CLCN2: variants seen among roughly 807,000 people sequenced by gnomAD.
The protein encoded by CLCN2 is chloride voltage-gated channel 2.
A neutral mutation model predicts 108.3 loss-of-function variants in CLCN2; 72 were observed. The observed-to-expected ratio is 0.66, with a 90% CI of 0.55 to 0.81. The LOEUF (loss-of-function observed/expected upper bound fraction) is 0.81. Ranked by LOEUF, CLCN2 falls within the 30% of genes least tolerant of loss-of-function variation. The pLI is 0.00. For synonymous variants in CLCN2, 471 were observed against 467.1 expected, an observed-to-expected ratio of 1.01 and a Z score of -0.11; for missense variants, 1,048 against 1,205.2, an observed-to-expected ratio of 0.87 and a Z score of 1.93.
intron 21 of CLCN2, 78 bp from the exon 22 acceptor site, chr3:184,352,195 T>G: frequency 6.2e-7 from 1 of 1,600,604 alleles, no homozygotes; most frequent in Admixed American, 1.7e-5. Context: ...GGCCTGCCCT[T>G]TTTCCAACCC....
Position 184,352,813 on chromosome 3 carries a change from G to A in CLCN2, c.2144-3C>T, listed in dbSNP as rs1231593733. On this transcript the variant is annotated splice_region_variant and splice_polypyrimidine_tract_variant and intron_variant, in intron 18 of 23. Coordinates refer to ENST00000265593, the MANE Select transcript of CLCN2 (RefSeq NM_004366.6). The stretch of plus-strand genomic sequence containing the variant: ...GATGCCTGCCGACTCTGCGCTCCCT[G>A]TGTTCCCAAACATAAGGCCCCAGGG... The A allele has an allele frequency of 3.1e-6, 5 of 1,613,152 alleles. No homozygotes were observed. In the East Asian group the frequency reaches 8.9e-5, roughly 29 times the overall value.
chr3:184,361,473 C>T lies in CLCN2; in HGVS notation c.7G>A (p.Ala3Thr), dbSNP rs776092377. Residue 3 changes from alanine (A) to threonine (T), a missense_variant, in exon 1 of 24, where the codon GCC (alanine) becomes ACC (threonine). Transcript: ENST00000265593. The surrounding 1 kb of genome is among the most constrained non-coding windows in gnomAD (Gnocchi z 6.6). The stretch of plus-strand genomic sequence containing the variant: ...TCCATCCCTTCCTCCGCCGCCGCGG[C>T]CGCCATCTCCGCGCACTGCCCTCTC... MA[A>T]AAAEEGMEPR... 8 of 1,611,858 alleles carry T rather than the reference C, an allele frequency of 5.0e-6. No individual in the cohort carries two copies. The African/African-American group carries it at 8.0e-5, about 16-fold the overall frequency.
At position 184,353,103 on chromosome 3, in the gene CLCN2, G is replaced by A; in HGVS notation, c.2073C>T (p.Thr691=). The A allele has an allele frequency of 6.2e-7, 1 of 1,614,146 alleles. No homozygotes were observed. Among genetic ancestry groups the A allele is most frequent in the South Asian group, 1.1e-5 (1 of 91,080 alleles). ...DSAFPAARGE[T]HKPLKPALKR... is the part of the protein sequence containing the mutation. ...TGAGTGCAGGCTTTAGGGGCTTGTG[G>A]GTCTCCCCCCGGGCTGCTGGGAAGG... The change falls in exon 18 of 24, where the codon ACC becomes ACT. Residue 691 remains threonine (T), a synonymous_variant. Transcript: ENST00000265593.
chr3:184,354,629 T>C lies in CLCN2; in HGVS notation c.1426A>G (p.Ser476Gly), dbSNP rs1728396440. Residue 476 changes from serine (S) to glycine (G), a missense_variant, in exon 14 of 24, where the codon AGC becomes GGC. Ser to Gly is a moderately conservative substitution (Grantham distance 56, BLOSUM62 0). Transcript: ENST00000265593. ...GAAFGRLVGE[S>G]MAAWFPDGIH... The stretch of plus-strand genomic sequence containing the variant: ...CCATCTGGGAACCAGGCAGCCATGC[T>C]TTCACCCACCAGACGCCCAAATGCT... 2 of 1,559,430 alleles carry C rather than the reference T, an allele frequency of 1.3e-6. No homozygotes were observed. The highest frequency in any genetic ancestry group is 1.7e-6 in the Non-Finnish European group (2 of 1,152,326).
chr3:184,351,644 C>T (rs1047494990), intron 22 of CLCN2, among the ~76,000 whole-genome samples: 3 of 152,052 alleles, frequency 2.0e-5, no homozygotes, highest in Admixed American at 6.5e-5. Flanking sequence ...GTTTCTCACC[C>T]GTTTTTTTCC....
rs752221599 is a variant in CLCN2 at position 184,353,228 on chromosome 3, C to T, written c.2028+22G>A. The T allele has an allele frequency of 1.7e-5, 28 of 1,613,546 alleles. No individual in the cohort carries two copies. The Admixed American group carries it at 3.2e-4, about 18-fold the overall frequency. ...AGTCTACACAATGACATTTAGGAAG[C>T]GTTTGTGGCTTTTCCCCTCACCTGG... On this transcript the variant is annotated intron_variant, in intron 17 of 23. Transcript: ENST00000265593.
Position 184,355,843 on chromosome 3 carries a change from G to A in CLCN2, c.1086-65C>T. 7.7e-7 allele frequency: 1 copy of A among 1,298,426 alleles called. No individual in the cohort carries two copies. The highest frequency in any genetic ancestry group is 1.1e-6 in the Non-Finnish European group (1 of 900,716). The allele number at this position is 1,298,426 out of a possible 1,614,324, so 80.4% of individuals were successfully genotyped here. ...GGCTGGGTGGCCTCGCATATCTCAGGGCTGAGGTCAGAGCAGAGCCTTGGC... is the reference window on the plus strand; with the variant it reads ...GGCTGGGTGGCCTCGCATATCTCAGAGCTGAGGTCAGAGCAGAGCCTTGGC... On this transcript the variant is annotated intron_variant, in intron 10 of 23. Transcript: ENST00000265593. This position sits in a 1 kb window ranked among gnomAD's most constrained non-coding sequence, Gnocchi z 6.3.
intron 22 of CLCN2, chr3:184,348,551 G>A (rs1487503366): frequency 6.6e-6 from 1 of 151,126 alleles, no homozygotes; most frequent in Non-Finnish European, 1.5e-5. Flanking sequence ...CAGTTGTCAT[G>A]TGGTTAGCGA....
chr3:184,360,739 G>A (rs1195177960), intron 1 of CLCN2, among the ~76,000 whole-genome samples: 4 of 152,172 alleles, frequency 2.6e-5, no homozygotes, highest in African/African-American at 9.7e-5. Flanking sequence ...CAGAGCCCAG[G>A]ACCCCTGCTT....
chr3:184,353,932 C>T, intron 15 of CLCN2, 137 bp from the exon 16 acceptor site: 1 of 1,447,266 alleles, frequency 6.9e-7, no homozygotes, highest in Non-Finnish European at 9.4e-7. Context: ...GTGCTCCCAC[C>T]CTTCTTTCTG....
chr3:184,350,406 C>A (rs1728005839), intron 22 of CLCN2, among the ~76,000 whole-genome samples: 1 of 152,066 alleles, frequency 6.6e-6, no homozygotes, highest in South Asian at 2.1e-4. Flanking sequence ...TTGAGTCAGA[C>A]CATCCTAGAT....
In CLCN2 at chr3:184,346,680, G is replaced by A. The variant is rs755134167; in HGVS notation, c.2623C>T (p.Leu875Phe). 1.9e-6 allele frequency: 3 copies of A among 1,614,218 alleles called. No homozygotes were observed. The highest frequency in any genetic ancestry group is 3.3e-5 in the Admixed American group (2 of 60,030). ...CCATGACGGGAGTGGGGCCCCCAGAGTGCATGCACCTCAGTGGTCTCCGTG... is the reference window on the plus strand; with the variant it reads ...CCATGACGGGAGTGGGGCCCCCAGAATGCATGCACCTCAGTGGTCTCCGTG... The part of the protein sequence containing the change: ...SDTETTEVHA[L>F]WGPHSRHGLP... Residue 875 changes from leucine to phenylalanine, a missense_variant, in exon 24 of 24, where the codon CTC becomes TTC. Coordinates refer to ENST00000265593, the MANE Select transcript of CLCN2 (RefSeq NM_004366.6). The surrounding 1 kb of genome is among the most constrained non-coding windows in gnomAD (Gnocchi z 6.0).
rs1307643045 is a variant in CLCN2, at chr3:184,355,137, T to C, written c.1327-164A>G. Reference sequence around the variant, plus strand: ...TGGGACCCCCAGGCCTCCCAGGTGATGGCAAGGGGAAGGACTCTGGAAGCA... The same window carrying C: ...TGGGACCCCCAGGCCTCCCAGGTGACGGCAAGGGGAAGGACTCTGGAAGCA... On this transcript the variant is annotated intron_variant, in intron 12 of 23. Transcript: ENST00000265593. The surrounding 1 kb of genome is among the most constrained non-coding windows in gnomAD (Gnocchi z 6.3). 1 of 799,710 alleles carries C rather than the reference T, an allele frequency of 1.3e-6. No homozygotes were observed. The highest frequency in any genetic ancestry group is 2.1e-6 in the Non-Finnish European group (1 of 474,252). 49.5% of individuals were successfully genotyped at this position (799,710 alleles called of 1,614,324 possible). A position where few individuals can be genotyped will look rare whatever the true frequency, so the allele number is the denominator to read the frequency against.
rs373284706 is a variant in CLCN2, at chr3:184,358,347, C to A, written c.353-37G>T. The A allele has an allele frequency of 2.5e-6, 4 of 1,612,426 alleles. No individual in the cohort carries two copies. In the East Asian group the frequency reaches 8.9e-5, roughly 36 times the overall value. ...GGACCTGCTGGACCCCCAGTGCACA[C>A]ACCCACTGCCTGCCTGGCCAGTGGA... On this transcript the variant is annotated intron_variant, in intron 3 of 23. Coordinates refer to ENST00000265593, the MANE Select transcript of CLCN2 (RefSeq NM_004366.6).
At position 184,352,426 on chromosome 3, in the gene CLCN2, A is replaced by C; in HGVS notation, c.2271+17T>G. The C allele has an allele frequency of 6.2e-7, 1 of 1,613,248 alleles. No individual in the cohort carries two copies. Among genetic ancestry groups the C allele is most frequent in the Non-Finnish European group, 8.5e-7 (1 of 1,179,836 alleles). On this transcript the variant is annotated intron_variant, in intron 20 of 23. Coordinates refer to ENST00000265593, the MANE Select transcript of CLCN2 (RefSeq NM_004366.6). ...TGCCCGGTGCCGCCGAGATGCTAGA[A>C]GAGCAGGCATACTTACTGCCAGGGA...
chr3:184,346,233 ATTTG>A lies in CLCN2; in HGVS notation c.*369_*372del, dbSNP rs968093306. On this transcript the variant is annotated 3_prime_UTR_variant, in exon 24 of 24. Coordinates refer to ENST00000265593, the MANE Select transcript of CLCN2 (RefSeq NM_004366.6). This position sits in a 1 kb window ranked among gnomAD's most constrained non-coding sequence, Gnocchi z 6.0. ...GGTGTTTATTTTGTTCTATTTAAGAATTTGTTTTATTAAATTAATATAAAAATCT... is the reference window on the plus strand; with the variant it reads ...GGTGTTTATTTTGTTCTATTTAAGAATTTTATTAAATTAATATAAAAATCT... The A allele has an allele frequency of 1.4e-4, 36 of 261,522 alleles. No individual in the cohort carries two copies. The Admixed American group carries it at 1.4e-3, about 10-fold the overall frequency. The allele number at this position is 261,522 out of a possible 1,614,324, so 16.2% of individuals were successfully genotyped here.
At position 184,352,046 on chromosome 3, in the gene CLCN2, G is replaced by C; in HGVS notation, c.2382C>G (p.Pro794=). 6.2e-7 allele frequency: 1 copy of C among 1,613,848 alleles called. No homozygotes were observed. Among genetic ancestry groups the C allele is most frequent in the Non-Finnish European group, 8.5e-7 (1 of 1,179,900 alleles). The change falls in exon 22 of 24, where the codon CCC becomes CCG. Residue 794 remains proline, a synonymous_variant. Coordinates refer to ENST00000265593, the MANE Select transcript of CLCN2 (RefSeq NM_004366.6). ...AAGAGGTCCGCTCCACCAGCTGGAAGGGAGCAGGATCAATTTTGCAGTCAC... is the reference window on the plus strand; with the variant it reads ...AAGAGGTCCGCTCCACCAGCTGGAACGGAGCAGGATCAATTTTGCAGTCAC... ...NFSDCKIDPA[P]FQLVERTSLH...
In CLCN2 at chr3:184,358,317, G is replaced by C; in HGVS notation, c.353-7C>G. 1 of 1,613,670 alleles carries C rather than the reference G, an allele frequency of 6.2e-7. No individual in the cohort carries two copies. Among genetic ancestry groups the C allele is most frequent in the African/African-American group, 1.3e-5 (1 of 75,036 alleles). ...CGGGACATCCACTGCTGGGCTGTGG[G>C]AAGAGGACCTGCTGGACCCCCAGTG... is the stretch of plus-strand genomic sequence containing the variant. On this transcript the variant is annotated splice_region_variant and splice_polypyrimidine_tract_variant and intron_variant, in intron 3 of 23. Coordinates refer to ENST00000265593, the MANE Select transcript of CLCN2 (RefSeq NM_004366.6).
Position 184,347,584 on chromosome 3 carries a change from A to C in CLCN2, c.2416-563T>G, listed in dbSNP as rs1372012633. Reference sequence around the variant, plus strand: ...GAGAGCCCACACCGACCTTAAGGGCACTTGGGCCCTGAATCCTATGCCTCT... The same window carrying C: ...GAGAGCCCACACCGACCTTAAGGGCCCTTGGGCCCTGAATCCTATGCCTCT... On this transcript the variant is annotated intron_variant, in intron 22 of 23. Coordinates refer to ENST00000265593, the MANE Select transcript of CLCN2 (RefSeq NM_004366.6). The C allele has an allele frequency of 2.8e-5, 5 of 180,150 alleles. No homozygotes were observed. The South Asian group carries it at 5.8e-4, about 21-fold the overall frequency. 11.2% of individuals were successfully genotyped at this position (180,150 alleles called of 1,614,324 possible).
Sources: allele counts gnomAD v4.1 joint callset (sites outside exome capture counted in the v4.1 genomes callset), GRCh38; gene constraint gnomAD v4.1.1; non-coding constraint Gnocchi (gnomAD v3.1); transcripts MANE v1.5; gene names NCBI Gene and HGNC (gene_info 2026-07-23, HGNC 2026-07-21).